The following LPP variants were observed in gnomAD, a reference collection of about 807,000 sequenced individuals.
LPP encodes lipoma-preferred partner.
In LPP, 38 loss-of-function variants were observed where a neutral mutation model predicts 60.4. The observed-to-expected ratio is 0.63, with a 90% CI of 0.49 to 0.83. The LOEUF (loss-of-function observed/expected upper bound fraction) is 0.83, where lower values mean the gene tolerates loss of function less well. Among genes scored for constraint, LPP ranks in the 40% least tolerant of loss-of-function variants. The probability of loss-of-function intolerance (pLI) is 0.00; values close to 1 mark genes in which losing one functional copy is unlikely to be tolerated. For synonymous variants in LPP, 328 were observed against 290.8 expected (o/e 1.13, Z -1.30); for missense variants, 902 against 783.6 (o/e 1.15, Z -1.80).
intron 8 of LPP, among the ~76,000 whole-genome samples, chr3:188,754,496 C>T (rs915894218): frequency 6.6e-6 from 1 of 152,124 alleles, no homozygotes; most frequent in Admixed American, 6.6e-5. Context: ...TACTTGTCAG[C>T]TTTTCTTCTG....
In LPP at chr3:188,887,391, G is replaced by C. The variant is rs1485726788; in HGVS notation, c.*12912G>C. 4.6e-6 allele frequency: 1 copy of C among 215,850 alleles called. No homozygotes were observed. The highest frequency in any genetic ancestry group is 9.3e-6 in the Non-Finnish European group (1 of 107,074). The allele number at this position is 215,850 out of a possible 1,614,324, so 13.4% of individuals were successfully genotyped here. ...AACTGGAAATAGGAGAGTAGCTTGAGCAGGTTATGATATATCTGCCCAATG... is the reference window on the plus strand; with the variant it reads ...AACTGGAAATAGGAGAGTAGCTTGACCAGGTTATGATATATCTGCCCAATG... On this transcript the variant is annotated 3_prime_UTR_variant, in exon 12 of 12. Coordinates refer to ENST00000617246, the MANE Select transcript of LPP (RefSeq NM_001375462.1).
At chr3:188,733,343 C>T (rs1247901730) in intron 8 of LPP, among the ~76,000 whole-genome samples, 3 of 151,642 alleles carry the variant, frequency 2.0e-5, no homozygotes, top group East Asian at 1.9e-4. Context: ...TACATGTACA[C>T]GCTAGTATGC....
At chr3:188,170,666 C>T (rs1721343056) in intron 1 of LPP, among the ~76,000 whole-genome samples, 1 of 151,116 alleles carries the variant, frequency 6.6e-6, no homozygotes, top group Non-Finnish European at 1.5e-5. Flanking sequence ...CAGCATCATT[C>T]TAGTCAGTCT....
rs541293278 is a variant in LPP, at chr3:188,157,609, G to T, written c.-190+3357G>T. 1.8e-4 allele frequency among the ~76,000 whole-genome samples: 27 copies of T among 152,274 alleles called. 1 individual carries two copies. The East Asian group carries it at 5.2e-3, about 29-fold the overall frequency. ...CCTGCTTACGGTGAACCAGAAACTG[G>T]CTTGGCCCTGAGCGTACAAAGATGA... On this transcript the variant is annotated intron_variant, in intron 1 of 11. Coordinates refer to ENST00000617246, the MANE Select transcript of LPP (RefSeq NM_001375462.1).
intron 2 of LPP, among the ~76,000 whole-genome samples, chr3:188,298,155 A>G (rs1364948572): frequency 6.6e-6 from 1 of 152,112 alleles, no homozygotes; most frequent in Non-Finnish European, 1.5e-5. Context: ...TCCTGCCCAA[A>G]TTTCCCAATT....
At chr3:188,514,837 C>T (rs1275761606) in intron 5 of LPP, among the ~76,000 whole-genome samples, 1 of 152,182 alleles carries the variant, frequency 6.6e-6, no homozygotes, top group Non-Finnish European at 1.5e-5. Context: ...GTTAGGTTCA[C>T]CAGCCTATTT....
chr3:188,364,558 A>T (rs1770556719), intron 3 of LPP, among the ~76,000 whole-genome samples: 1 of 152,158 alleles, frequency 6.6e-6, no homozygotes. Flanking sequence ...TAGTCATTAG[A>T]GGAGAGAGAT....
chr3:188,167,807 C>CTATT (rs1412313602), intron 1 of LPP, among the ~76,000 whole-genome samples: 2 of 152,224 alleles, frequency 1.3e-5, no homozygotes, highest in Admixed American at 6.5e-5. Flanking sequence ...TCCAGAAAGA[C>CTATT]TATTGACTTG....
intron 7 of LPP, among the ~76,000 whole-genome samples, chr3:188,675,455 G>T (rs143356958): frequency 6.6e-6 from 1 of 152,314 alleles, no homozygotes; most frequent in African/African-American, 2.4e-5. Context: ...ACTGTGAATA[G>T]CTCCTAGCAA....
At chr3:188,315,567 G>A (rs1025788324) in intron 2 of LPP, among the ~76,000 whole-genome samples, 1 of 152,066 alleles carries the variant, frequency 6.6e-6, no homozygotes, top group African/African-American at 2.4e-5. Flanking sequence ...TTGCTAAATA[G>A]TGTTTTTAAT....
intron 2 of LPP, among the ~76,000 whole-genome samples, chr3:188,238,833 G>A (rs1722815460): frequency 6.6e-6 from 1 of 152,136 alleles, no homozygotes; most frequent in Non-Finnish European, 1.5e-5. Flanking sequence ...CATGCTGTTG[G>A]AAAAATTGTA....
intron 6 of LPP, chr3:188,553,791 G>C (rs893197349): frequency 3.9e-5 from 6 of 152,290 alleles, no homozygotes; most frequent in African/African-American, 1.4e-4. Context: ...ATGTTGGCTG[G>C]TAACACCAGC....
Position 188,371,736 on chromosome 3 carries a change from C to T in LPP, c.-10+30017C>T, listed in dbSNP as rs146088800. On this transcript the variant is annotated intron_variant, in intron 3 of 11. Transcript: ENST00000617246. ...GTGGCGCGATCTCAACTCACCACAA[C>T]CTCTGCTTCCTGGGTTCAAACGATT... Among the ~76,000 whole-genome samples, 566 of 140,546 alleles carry T rather than the reference C, an allele frequency of 4.0e-3. 7 individuals carry two copies. The highest frequency in any genetic ancestry group is 0.014 in the African/African-American group (527 of 37,320). 92.2% of individuals were successfully genotyped at this position (140,546 alleles called of 152,430 possible). A position where few individuals can be genotyped will look rare whatever the true frequency, so the allele number is the denominator to read the frequency against.
intron 8 of LPP, among the ~76,000 whole-genome samples, chr3:188,734,888 T>G (rs1191164572): frequency 6.6e-6 from 1 of 152,198 alleles, no homozygotes; most frequent in Non-Finnish European, 1.5e-5. Flanking sequence ...TATTGAGCCC[T>G]TCTTGAAATT....
At chr3:188,488,400 G>A (rs998092328) in intron 5 of LPP, among the ~76,000 whole-genome samples, 2 of 151,516 alleles carry the variant, frequency 1.3e-5, no homozygotes, top group African/African-American at 4.8e-5. Context: ...GAAAACAGGG[G>A]AAGGATTTGG....
Position 188,596,118 on chromosome 3 carries a change from C to T in LPP, c.430-13043C>T, listed in dbSNP as rs566970368. On this transcript the variant is annotated intron_variant, in intron 6 of 11. Transcript: ENST00000617246. Reference sequence around the variant, plus strand: ...GGGGAGTGAATTCTTTTTGAAGCAGCAGATGTGCCTGGTACACCCGTTTGC... The same window carrying T: ...GGGGAGTGAATTCTTTTTGAAGCAGTAGATGTGCCTGGTACACCCGTTTGC... 2.0e-5 allele frequency among the ~76,000 whole-genome samples: 3 copies of T among 152,218 alleles called. No individual in the cohort carries two copies. In the South Asian group the frequency reaches 6.2e-4, roughly 32 times the overall value.
chr3:188,661,920 T>C (rs1208090636), intron 7 of LPP, among the ~76,000 whole-genome samples: 2 of 152,230 alleles, frequency 1.3e-5, no homozygotes, highest in Non-Finnish European at 1.5e-5. Flanking sequence ...AATATTCTGA[T>C]GTTTAGTTAG....
chr3:188,452,985 G>T (rs149606978), intron 4 of LPP, among the ~76,000 whole-genome samples: 9 of 152,276 alleles, frequency 5.9e-5, no homozygotes, highest in African/African-American at 2.2e-4. Context: ...CATGACCATG[G>T]TTCTTACTGG....
At chr3:188,790,556 C>T (rs1029790560) in intron 9 of LPP, among the ~76,000 whole-genome samples, 4 of 151,994 alleles carry the variant, frequency 2.6e-5, no homozygotes, top group African/African-American at 4.8e-5. Context: ...ACAGACTGAG[C>T]GCAGTGGCTC....
Sources: allele counts gnomAD v4.1 joint callset (sites outside exome capture counted in the v4.1 genomes callset), GRCh38; gene constraint gnomAD v4.1.1; transcripts MANE v1.5; gene names NCBI Gene and HGNC (gene_info 2026-07-23, HGNC 2026-07-21).